Variants in TMEM135 observed in about 807,000 individuals in gnomAD.
The protein encoded by TMEM135 is transmembrane protein 135.
Under a neutral mutation model 60.3 loss-of-function variants are expected in TMEM135, and 30 were observed. The observed-to-expected ratio is 0.50, with a 90% CI of 0.37 to 0.68. The LOEUF (loss-of-function observed/expected upper bound fraction) is 0.68. TMEM135 is among the 30% of genes least tolerant of loss of function. TMEM135 has a pLI of 0.00. For missense variants in TMEM135, 468 were observed against 548.8 expected (o/e 0.85, Z 1.47); for synonymous variants, 190 against 186.7 (o/e 1.02, Z -0.14).
intron 5 of TMEM135, among the ~76,000 whole-genome samples, chr11:87,174,884 T>C (rs1238335892): frequency 6.6e-6 from 1 of 152,150 alleles, no homozygotes; most frequent in Non-Finnish European, 1.5e-5. Context: ...ATTTACTGTA[T>C]ATACAGAGAC....
intron 3 of TMEM135, among the ~76,000 whole-genome samples, chr11:87,089,282 C>T (rs12290100): frequency 0.021 from 3,141 of 152,250 alleles, 45 homozygotes; most frequent in Middle Eastern, 0.044. Context: ...TGCCTGTAAT[C>T]CCAGAACTTT....
intron 5 of TMEM135, among the ~76,000 whole-genome samples, chr11:87,203,032 C>CAAAAAAAAAAAAAAAAAAAAAAAAAAAA (rs534909524): frequency 3.0e-5 from 1 of 33,568 alleles, no homozygotes; most frequent in African/African-American, 8.8e-5. Context: ...GACTCCGTCT[C>CAAAAAAAAAAAAAAAAAAAAAAAAAAAA]AAAAAAAAAA....
intron 1 of TMEM135, among the ~76,000 whole-genome samples, chr11:87,044,323 G>A (rs928391004): frequency 3.9e-5 from 6 of 152,136 alleles, no homozygotes; most frequent in African/African-American, 1.4e-4. Flanking sequence ...AAGGCAGTGA[G>A]TGCTTTAGCA....
intron 4 of TMEM135, among the ~76,000 whole-genome samples, chr11:87,124,094 A>G (rs1937653029): frequency 6.6e-6 from 1 of 152,170 alleles, no homozygotes; most frequent in Non-Finnish European, 1.5e-5. Context: ...CTCTTGTTTT[A>G]GCCCTTCATT....
At chr11:87,053,313 A>C (rs949018853) in intron 1 of TMEM135, among the ~76,000 whole-genome samples, 2 of 151,414 alleles carry the variant, frequency 1.3e-5, no homozygotes, top group African/African-American at 4.9e-5. Flanking sequence ...ATATATGGAT[A>C]CTTTTTTTAT....
chr11:87,196,727 A>G (rs933483023), intron 5 of TMEM135, among the ~76,000 whole-genome samples: 12 of 152,080 alleles, frequency 7.9e-5, no homozygotes, highest in African/African-American at 2.4e-5. Context: ...ACTTTCTGAT[A>G]AGATAGAGAC....
In TMEM135 at chr11:87,324,961, G is replaced by A. The variant is rs573853200; in HGVS notation, c.*3628G>A. The A allele has an allele frequency of 4.4e-6, 2 of 453,988 alleles. No individual in the cohort carries two copies. The highest frequency in any genetic ancestry group is 3.1e-5 in the South Asian group (2 of 64,472). 28.1% of individuals were successfully genotyped at this position (453,988 alleles called of 1,614,324 possible). On this transcript the variant is annotated 3_prime_UTR_variant, in exon 15 of 15. Transcript: ENST00000305494. ...ATAAGAAGTGATTATTTTCTTTAGG[G>A]CTGCACTTTGAATGTGATGAGTAAT...
chr11:87,264,202 G>A (rs1941705853), intron 6 of TMEM135, among the ~76,000 whole-genome samples: 1 of 151,868 alleles, frequency 6.6e-6, no homozygotes, highest in East Asian at 1.9e-4. Flanking sequence ...GAGGATAAAA[G>A]CTACTTTGTA....
chr11:87,323,122 T>G lies in TMEM135; in HGVS notation c.*1789T>G, dbSNP rs550774371. Reference sequence around the variant, plus strand: ...TCATAAATTATTGTTTTCATTGACATTAAAAGACTGTGATATTGAAAGATG... The same window carrying G: ...TCATAAATTATTGTTTTCATTGACAGTAAAAGACTGTGATATTGAAAGATG... On this transcript the variant is annotated 3_prime_UTR_variant, in exon 15 of 15. Coordinates refer to ENST00000305494, the MANE Select transcript of TMEM135 (RefSeq NM_022918.4). 1.5e-5 allele frequency: 7 copies of G among 454,090 alleles called. No homozygotes were observed. The highest frequency in any genetic ancestry group is 2.6e-5 in the Non-Finnish European group (6 of 226,670). 28.1% of individuals were successfully genotyped at this position (454,090 alleles called of 1,614,324 possible). A position where few individuals can be genotyped will look rare whatever the true frequency, so the allele number is the denominator to read the frequency against.
chr11:87,099,077 G>A (rs1216356236), intron 4 of TMEM135, among the ~76,000 whole-genome samples: 2 of 152,158 alleles, frequency 1.3e-5, no homozygotes, highest in Non-Finnish European at 2.9e-5. Flanking sequence ...CTGCACGCTA[G>A]CATACATTTG....
chr11:87,204,429 C>T (rs1275027591), intron 5 of TMEM135, among the ~76,000 whole-genome samples: 1 of 152,094 alleles, frequency 6.6e-6, no homozygotes, highest in African/African-American at 2.4e-5. Flanking sequence ...TTGAACAACA[C>T]AAGGATTAGG....
intron 6 of TMEM135, among the ~76,000 whole-genome samples, chr11:87,241,686 T>A (rs72955860): frequency 6.6e-6 from 1 of 152,058 alleles, no homozygotes; most frequent in African/African-American, 2.4e-5. Context: ...CAGCCTCTGG[T>A]AACCCGTATT....
At chr11:87,316,930 T>C (rs1942742908) in intron 12 of TMEM135, among the ~76,000 whole-genome samples, 1 of 151,840 alleles carries the variant, frequency 6.6e-6, no homozygotes, top group African/African-American at 2.4e-5. Flanking sequence ...GCTATGTCCT[T>C]TTGTGGAATT....
intron 4 of TMEM135, among the ~76,000 whole-genome samples, chr11:87,098,685 TTA>T (rs202203635): frequency 2.6e-5 from 4 of 151,306 alleles, no homozygotes; most frequent in East Asian, 1.9e-4. Context: ...ACAAAGTATC[TTA>T]TATATATATA....
At chr11:87,087,837 A>G (rs1456475278) in intron 3 of TMEM135, among the ~76,000 whole-genome samples, 2 of 152,146 alleles carry the variant, frequency 1.3e-5, no homozygotes, top group Non-Finnish European at 2.9e-5. Context: ...CCTTGGTTCA[A>G]GTGATTCTCC....
At chr11:87,239,445 A>G (rs919329260) in intron 6 of TMEM135, among the ~76,000 whole-genome samples, 5 of 151,352 alleles carry the variant, frequency 3.3e-5, no homozygotes, top group Admixed American at 6.6e-5. Context: ...ACTATTGTAC[A>G]TAACACTTGG....
chr11:87,213,407 G>A (rs1940423892), intron 5 of TMEM135, among the ~76,000 whole-genome samples: 1 of 152,050 alleles, frequency 6.6e-6, no homozygotes, highest in African/African-American at 2.4e-5. Context: ...AATGACCGAG[G>A]GTACCTAGAG....
intron 3 of TMEM135, among the ~76,000 whole-genome samples, chr11:87,085,931 CT>C (rs1217862747): frequency 6.6e-5 from 10 of 152,222 alleles, no homozygotes; most frequent in Middle Eastern, 3.4e-3. Flanking sequence ...GATTCTTGGT[CT>C]TCAATAGAGT....
At chr11:87,067,647 G>A (rs887017628) in intron 1 of TMEM135, 47 bp from the exon 2 acceptor site, 2 of 1,609,962 alleles carry the variant, frequency 1.2e-6, no homozygotes, top group South Asian at 2.2e-5. Flanking sequence ...GCTAATTTAA[G>A]TGGGAAATGT....
Sources: gnomAD v4.1 joint callset for allele counts (sites outside exome capture counted in the v4.1 genomes callset) on GRCh38, gnomAD v4.1.1 for gene constraint, MANE v1.5 for transcripts, NCBI Gene and HGNC (gene_info 2026-07-23, HGNC 2026-07-21) for gene names.